Variants in SPON2 observed in about 807,000 individuals in gnomAD.
The protein encoded by SPON2 is spondin-2.
A neutral mutation model predicts 29.9 loss-of-function variants in SPON2; 32 were observed. That is an observed-to-expected ratio of 1.07 (90% CI 0.81 to 1.44). The LOEUF (loss-of-function observed/expected upper bound fraction) is 1.44, where lower values mean the gene tolerates loss of function less well. SPON2 is among the 40% of genes most tolerant of loss of function. The pLI is 0.00. For synonymous variants in SPON2, 248 were observed against 209.1 expected (o/e 1.19, Z -1.61); for missense variants, 541 against 455.5 (o/e 1.19, Z -1.71).
intron 1 of SPON2, among the ~76,000 whole-genome samples, chr4:1,201,622 A>G (rs1462072137): frequency 1.3e-5 from 2 of 149,770 alleles, no homozygotes; most frequent in South Asian, 2.1e-4. Flanking sequence ...TTGCTCTGTC[A>G]CCCAGGCTAT....
chr4:1,208,291 C>G (rs369429747), upstream of SPON2: 2 of 152,480 alleles, frequency 1.3e-5, no homozygotes, highest in East Asian at 3.9e-4. Context: ...GGATGGGGTG[C>G]AGGGCCAGCC....
intron 1 of SPON2, among the ~76,000 whole-genome samples, chr4:1,179,786 T>A (rs1560205850): frequency 2.0e-5 from 3 of 152,200 alleles, no homozygotes. Context: ...AAGTCATTAT[T>A]ATTTGACCTA....
intron 1 of SPON2, among the ~76,000 whole-genome samples, chr4:1,206,994 T>C (rs1728357933): frequency 9.3e-6 from 1 of 107,824 alleles, no homozygotes; most frequent in Admixed American, 9.5e-5. Flanking sequence ...TGGGGGTGGA[T>C]GGTGTCATTT....
At chr4:1,195,857 A>G (rs1201469117), upstream of SPON2, among the ~76,000 whole-genome samples, 1 of 151,634 alleles carries the variant, frequency 6.6e-6, no homozygotes, top group Non-Finnish European at 1.5e-5. Flanking sequence ...CTGGTTTCGA[A>G]CTCCTGGCTT....
chr4:1,170,671 G>A (rs561008723), intron 4 of SPON2, 95 bp from the exon 5 acceptor site: 23 of 1,399,398 alleles, frequency 1.6e-5, no homozygotes, highest in African/African-American at 2.9e-5. Flanking sequence ...AGCGTCCAGC[G>A]TGCCCTCTGC....
intron 1 of SPON2, among the ~76,000 whole-genome samples, chr4:1,186,754 G>A (rs1727814690): frequency 6.6e-6 from 1 of 152,130 alleles, no homozygotes; most frequent in African/African-American, 2.4e-5. Flanking sequence ...TCTACAAATG[G>A]TCAATAAGCA....
chr4:1,175,070 G>A (rs979691896), upstream of SPON2, among the ~76,000 whole-genome samples: 5 of 152,228 alleles, frequency 3.3e-5, no homozygotes, highest in East Asian at 3.8e-4. Context: ...GGCTGGACTC[G>A]AATCCACAGG....
intron 5 of SPON2, 113 bp downstream of exon 5, chr4:1,170,289 G>C (rs1259030725): frequency 2.1e-6 from 2 of 957,590 alleles, no homozygotes; most frequent in East Asian, 2.4e-5. Flanking sequence ...CTTGCAGTAC[G>C]CACTACGAAT....
upstream of SPON2, chr4:1,199,144 A>G (rs979853252): frequency 1.3e-5 from 2 of 152,218 alleles, no homozygotes; most frequent in African/African-American, 4.8e-5. This position sits in a 1 kb window ranked among gnomAD's most constrained non-coding sequence, Gnocchi z 4.5. Context: ...CACGCCTGTA[A>G]TCCCAGCACT....
chr4:1,195,727 C>A (rs1178581959), upstream of SPON2, among the ~76,000 whole-genome samples: 4 of 145,142 alleles, frequency 2.8e-5, no homozygotes, highest in Admixed American at 1.4e-4. Context: ...ACCCCGGAGA[C>A]CCCCAGCCCC....
In SPON2 at chr4:1,203,096, T is replaced by C. The variant is rs547425268; in HGVS notation, c.-234+4784A>G. On this transcript the variant is annotated intron_variant, in intron 1 of 3. Transcript: ENST00000509233. ...CTGCCATGTGAGGCTGGATACGCCA[T>C]TGGAGCTGCCCTCAGCAGACCCCAG... 1.6e-3 allele frequency among the ~76,000 whole-genome samples: 243 copies of C among 152,346 alleles called. 1 individual carries two copies. The highest frequency in any genetic ancestry group is 5.6e-3 in the African/African-American group (232 of 41,578).
intron 1 of SPON2, among the ~76,000 whole-genome samples, chr4:1,203,007 T>C (rs1728250992): frequency 6.6e-6 from 1 of 152,164 alleles, no homozygotes; most frequent in Non-Finnish European, 1.5e-5. Flanking sequence ...TTGCCATGAT[T>C]CTGTCCTCAG....
At chr4:1,185,925 T>A (rs1577904951) in intron 1 of SPON2, among the ~76,000 whole-genome samples, 1 of 152,042 alleles carries the variant, frequency 6.6e-6, no homozygotes, top group Admixed American at 6.6e-5. Context: ...GTGGACGTCA[T>A]GAAAATTAGA....
chr4:1,174,257 C>A (rs535705523), upstream of SPON2, among the ~76,000 whole-genome samples: 6 of 151,612 alleles, frequency 4.0e-5, no homozygotes, highest in Non-Finnish European at 7.4e-5. Flanking sequence ...GAGGCCAGGG[C>A]GGGCGGATCA....
intron 1 of SPON2, among the ~76,000 whole-genome samples, chr4:1,204,124 G>C (rs1242849232): frequency 6.6e-6 from 1 of 152,128 alleles, no homozygotes; most frequent in African/African-American, 2.4e-5. Context: ...CCCCCAGCTT[G>C]GCCTCCCAAA....
chr4:1,167,901 T>G, intron 5 of SPON2: 1 of 438,258 alleles, frequency 2.3e-6, no homozygotes. Flanking sequence ...GCCGCTCAAG[T>G]CCCTGTGGTG....
chr4:1,192,456 A>G (rs1727931816), intron 1 of SPON2, among the ~76,000 whole-genome samples: 1 of 152,238 alleles, frequency 6.6e-6, no homozygotes, highest in Admixed American at 6.5e-5. Context: ...ACACGATGGT[A>G]AAGCCCTTTG....
intron 2 of SPON2, 120 bp from the exon 3 acceptor site, chr4:1,171,606 A>C (rs1727452382): frequency 4.5e-6 from 5 of 1,105,596 alleles, no homozygotes; most frequent in Non-Finnish European, 5.1e-6. Context: ...GCCCCCAGTC[A>C]CGTCGGACCG....
At chr4:1,186,876 A>T (rs2108662247) in intron 1 of SPON2, among the ~76,000 whole-genome samples, 1 of 152,298 alleles carries the variant, frequency 6.6e-6, no homozygotes. Flanking sequence ...CCCCAAAATA[A>T]CAAGTATTGG....
Sources: allele counts gnomAD v4.1 joint callset (sites outside exome capture counted in the v4.1 genomes callset), GRCh38; gene constraint gnomAD v4.1.1; non-coding constraint Gnocchi (gnomAD v3.1); transcripts MANE v1.5; gene names NCBI Gene and HGNC (gene_info 2026-07-23, HGNC 2026-07-21).